Variants in KCNT2 observed in about 807,000 individuals in gnomAD.
The protein encoded by KCNT2 is potassium channel subfamily T member 2.
KCNT2 carries 67 observed loss-of-function variants against 153.8 expected under a neutral mutation model. The observed-to-expected ratio is 0.44, with a 90% CI of 0.36 to 0.53. KCNT2 has a LOEUF of 0.53. Ranked by LOEUF, KCNT2 falls within the 20% of genes least tolerant of loss-of-function variation. KCNT2 has a pLI of 0.00. For synonymous variants in KCNT2, 500 were observed against 458.8 expected (o/e 1.09, Z -1.15); for missense variants, 975 against 1,354.8 (o/e 0.72, Z 4.40).
chr1:196,294,653 G>A (rs1347193363), intron 22 of KCNT2, among the ~76,000 whole-genome samples: 1 of 151,870 alleles, frequency 6.6e-6, no homozygotes, highest in Admixed American at 6.6e-5. Context: ...CTCACTTCTG[G>A]GTATATATTC....
intron 14 of KCNT2, among the ~76,000 whole-genome samples, chr1:196,371,991 G>A (rs1668580215): frequency 6.6e-6 from 1 of 152,072 alleles, no homozygotes. Context: ...CTTAATTGGT[G>A]TTAAAATAAT....
intron 22 of KCNT2, among the ~76,000 whole-genome samples, chr1:196,303,872 G>C (rs1315849940): frequency 6.6e-6 from 1 of 152,114 alleles, no homozygotes; most frequent in Non-Finnish European, 1.5e-5. Flanking sequence ...ATGCCAGCAC[G>C]GATTCCTGCT....
chr1:196,549,574 C>G (rs1224921194), intron 1 of KCNT2, among the ~76,000 whole-genome samples: 2 of 151,694 alleles, frequency 1.3e-5, no homozygotes, highest in Non-Finnish European at 2.9e-5. Flanking sequence ...ATACAGACAA[C>G]CTAGAACAAT....
intron 26 of KCNT2, among the ~76,000 whole-genome samples, chr1:196,243,472 A>C (rs1655142043): frequency 6.6e-6 from 1 of 152,176 alleles, no homozygotes; most frequent in Admixed American, 6.5e-5. Flanking sequence ...TTGAATTTCC[A>C]ACACCAACCC....
At chr1:196,556,656 G>A (rs1017999659) in intron 1 of KCNT2, among the ~76,000 whole-genome samples, 8 of 151,360 alleles carry the variant, frequency 5.3e-5, no homozygotes, top group African/African-American at 1.5e-4. Context: ...AAGGGAATCA[G>A]TATATTGGAG....
At chr1:196,333,718 G>A in intron 17 of KCNT2, 129 bp downstream of exon 17, 1 of 641,300 alleles carries the variant, frequency 1.6e-6, no homozygotes, top group East Asian at 2.7e-5. Flanking sequence ...AAGTATATAG[G>A]AATGATTCTA....
intron 1 of KCNT2, among the ~76,000 whole-genome samples, chr1:196,607,921 C>T (rs924001815): frequency 1.3e-5 from 2 of 152,120 alleles, no homozygotes; most frequent in Non-Finnish European, 2.9e-5. Context: ...TGATACCAGC[C>T]TTATACACAT....
chr1:196,579,893 G>GA (rs1319078176), intron 1 of KCNT2, among the ~76,000 whole-genome samples: 1 of 152,104 alleles, frequency 6.6e-6, no homozygotes, highest in Non-Finnish European at 1.5e-5. Flanking sequence ...TCATTGGCTG[G>GA]AAGCAAGTCT....
intron 16 of KCNT2, among the ~76,000 whole-genome samples, chr1:196,339,520 C>CACAGAG (rs1005738965): frequency 1.5e-4 from 20 of 137,902 alleles, no homozygotes; most frequent in African/African-American, 4.9e-4. Flanking sequence ...CACACACACA[C>CACAGAG]AGAGAGAGAG....
At chr1:196,521,484 G>A (rs1653394251) in intron 1 of KCNT2, among the ~76,000 whole-genome samples, 1 of 151,984 alleles carries the variant, frequency 6.6e-6, no homozygotes, top group African/African-American at 2.4e-5. Flanking sequence ...TTCTACCATG[G>A]AGATACATGC....
At chr1:196,275,893 T>C (rs991404390) in intron 25 of KCNT2, among the ~76,000 whole-genome samples, 2 of 151,990 alleles carry the variant, frequency 1.3e-5, no homozygotes, top group Admixed American at 1.3e-4. Context: ...TTACATCTGT[T>C]AGTGCTTTTT....
chr1:196,421,054 A>C (rs1306936683), intron 12 of KCNT2, among the ~76,000 whole-genome samples: 1 of 152,044 alleles, frequency 6.6e-6, no homozygotes, highest in East Asian at 1.9e-4. Context: ...CGGTTGCAAA[A>C]CGCAGCTTGC....
At chr1:196,538,556 C>A (rs753316584) in intron 1 of KCNT2, among the ~76,000 whole-genome samples, 5 of 152,158 alleles carry the variant, frequency 3.3e-5, no homozygotes, top group East Asian at 1.9e-4. Context: ...TTTTTACAGA[C>A]AATAGTGGCT....
chr1:196,383,805 T>A (rs1450325791), intron 13 of KCNT2, among the ~76,000 whole-genome samples: 5 of 152,194 alleles, frequency 3.3e-5, no homozygotes, highest in African/African-American at 1.2e-4. Flanking sequence ...ATGTATTCAA[T>A]GTTGCCCTGT....
chr1:196,510,328 T>G (rs1236242602), intron 1 of KCNT2, among the ~76,000 whole-genome samples: 1 of 152,142 alleles, frequency 6.6e-6, no homozygotes, highest in Admixed American at 6.5e-5. Context: ...CCACCTCCAT[T>G]ATACAGATTA....
At chr1:196,480,855 CAAAAAAAAAAAAAAAAAA>C (rs372270510) in intron 4 of KCNT2, among the ~76,000 whole-genome samples, 2 of 26,896 alleles carry the variant, frequency 7.4e-5, no homozygotes, top group African/African-American at 2.5e-4. Flanking sequence ...GACTTCGTCT[CAAAAAAAAAAAAAAAAAA>C]AAAAAAAAAA....
At chr1:196,594,014 G>T (rs4601531) in intron 1 of KCNT2, among the ~76,000 whole-genome samples, 119,109 of 151,938 alleles carry the variant, frequency 0.78, 49,957 homozygotes, top group East Asian at 0.97. Context: ...ACACACACAA[G>T]AATTCAATAC....
chr1:196,492,414 T>A, intron 1 of KCNT2, 73 bp from the exon 2 acceptor site: 1 of 1,086,706 alleles, frequency 9.2e-7, no homozygotes. Flanking sequence ...GATCAACAAA[T>A]ATAAATTGAT....
chr1:196,240,389 A>G (rs1654842079), intron 26 of KCNT2, among the ~76,000 whole-genome samples: 1 of 152,058 alleles, frequency 6.6e-6, no homozygotes, highest in Non-Finnish European at 1.5e-5. Flanking sequence ...TCTAATAAAT[A>G]AATAACAAAT....
Sources: allele counts gnomAD v4.1 joint callset (sites outside exome capture counted in the v4.1 genomes callset), GRCh38; gene constraint gnomAD v4.1.1; transcripts MANE v1.5; gene names NCBI Gene and HGNC (gene_info 2026-07-23, HGNC 2026-07-21).